Variants in OR2C1 observed in about 807,000 individuals in gnomAD.
OR2C1 encodes olfactory receptor family 2 subfamily C member 1, also known as olfactory receptor 2C1.
For synonymous variants in OR2C1, 209 were observed against 167.3 expected (o/e 1.25, Z -1.92); for missense variants, 468 against 388.3 (o/e 1.21, Z -1.73).
the OR2C1 span, among the ~76,000 whole-genome samples, chr16:3,342,305 C>G: frequency 6.6e-6 from 1 of 152,090 alleles, no homozygotes; most frequent in Non-Finnish European, 1.5e-5. Flanking sequence ...AGAAAATGTA[C>G]TAAATAGATT....
chr16:3,337,376 C>T, the OR2C1 span, among the ~76,000 whole-genome samples: 3 of 145,024 alleles, frequency 2.1e-5, no homozygotes, highest in African/African-American at 5.1e-5. Context: ...ACCATGTTGC[C>T]TGGGCTGGTC....
chr16:3,347,852 G>A, the OR2C1 span, among the ~76,000 whole-genome samples: 6 of 8,910 alleles, frequency 6.7e-4, no homozygotes, highest in Non-Finnish European at 9.6e-4. Context: ...ACATGCACAC[G>A]CACACACGCG....
the OR2C1 span, among the ~76,000 whole-genome samples, chr16:3,326,675 C>A: frequency 6.6e-6 from 1 of 152,184 alleles, no homozygotes; most frequent in African/African-American, 2.4e-5. Flanking sequence ...AAAGATTCTA[C>A]CTCCTTGGTT....
chr16:3,327,192 A>G, the OR2C1 span, among the ~76,000 whole-genome samples: 1 of 152,184 alleles, frequency 6.6e-6, no homozygotes. Context: ...CAAGGCCTTA[A>G]AAATCACCAA....
chr16:3,341,835 A>ATT, the OR2C1 span, among the ~76,000 whole-genome samples: 1 of 152,176 alleles, frequency 6.6e-6, no homozygotes, highest in Non-Finnish European at 1.5e-5. Context: ...TTAGCTCCGT[A>ATT]TTCAGCTCCT....
the OR2C1 span, among the ~76,000 whole-genome samples, chr16:3,336,674 C>CTTTT: frequency 1.7e-5 from 2 of 116,286 alleles, no homozygotes; most frequent in African/African-American, 6.7e-5. Flanking sequence ...GTTTCTTTTT[C>CTTTT]TTTTTTTTTT....
At chr16:3,326,121 G>A in the OR2C1 span, among the ~76,000 whole-genome samples, 1 of 151,856 alleles carries the variant, frequency 6.6e-6, no homozygotes, top group Non-Finnish European at 1.5e-5. Flanking sequence ...AGTAGAGACA[G>A]GGTTTCACCA....
the OR2C1 span, among the ~76,000 whole-genome samples, chr16:3,332,513 C>T: frequency 1.3e-5 from 2 of 151,996 alleles, no homozygotes; most frequent in African/African-American, 4.8e-5. Context: ...TTATCCTCCC[C>T]CCCACTACCC....
At chr16:3,333,849 A>T in the OR2C1 span, among the ~76,000 whole-genome samples, 5 of 152,070 alleles carry the variant, frequency 3.3e-5, no homozygotes, top group African/African-American at 1.2e-4. Context: ...TAAGTCTTTA[A>T]TCCATTTTGA....
At chr16:3,337,201 C>T in the OR2C1 span, among the ~76,000 whole-genome samples, 1 of 150,818 alleles carries the variant, frequency 6.6e-6, no homozygotes, top group African/African-American at 2.4e-5. Flanking sequence ...GTCTCCCAGG[C>T]TGGAGTGCAG....
chr16:3,341,360 A>T, the OR2C1 span, among the ~76,000 whole-genome samples: 1 of 151,612 alleles, frequency 6.6e-6, no homozygotes, highest in African/African-American at 2.4e-5. Flanking sequence ...GTTCTTTGGG[A>T]TTTTCTGTAT....
the OR2C1 span, chr16:3,323,520 G>T: frequency 2.7e-6 from 2 of 746,464 alleles, no homozygotes; most frequent in East Asian, 4.9e-5. Flanking sequence ...ATCACATAAG[G>T]TTCCACTATA....
chr16:3,326,907 C>T, the OR2C1 span, among the ~76,000 whole-genome samples: 1 of 152,156 alleles, frequency 6.6e-6, no homozygotes, highest in Admixed American at 6.5e-5. Context: ...CATCATTGAG[C>T]TGTAGGATCA....
chr16:3,346,146 A>T, the OR2C1 span, among the ~76,000 whole-genome samples: 2 of 152,112 alleles, frequency 1.3e-5, no homozygotes, highest in African/African-American at 4.8e-5. Context: ...ATTTTTCTTC[A>T]TAACATTTAC....
chr16:3,353,529 G>C (rs181137296), upstream of OR2C1, among the ~76,000 whole-genome samples: 1 of 150,690 alleles, frequency 6.6e-6, no homozygotes, highest in African/African-American at 2.4e-5. Flanking sequence ...GGCCGGGAAT[G>C]GTAGCTCATG....
At chr16:3,354,350 G>A (rs2030625683), upstream of OR2C1, among the ~76,000 whole-genome samples, 2 of 152,162 alleles carry the variant, frequency 1.3e-5, no homozygotes, top group Admixed American at 1.3e-4. Flanking sequence ...CCTCAAAAGA[G>A]GGATCTCCTC....
At chr16:3,351,494 A>C (rs559762794), upstream of OR2C1, among the ~76,000 whole-genome samples, 33 of 152,268 alleles carry the variant, frequency 2.2e-4, no homozygotes, top group South Asian at 6.0e-3. Context: ...AAATAATTGG[A>C]AGTAAAAAAC....
At chr16:3,355,466 A>AC, upstream of OR2C1, among the ~76,000 whole-genome samples, 1 of 139,970 alleles carries the variant, frequency 7.1e-6, no homozygotes, top group Non-Finnish European at 1.6e-5. Flanking sequence ...TCAAAAAAAA[A>AC]AAAAAAGCTT....
chr16:3,356,483 GC>G lies in OR2C1; in HGVS notation c.545del (p.Pro182LeufsTer3). ...RRVEGFLCEV[P>X]AMIKLACGDT... is the part of the protein sequence containing the mutation. ...GGGTGGAGGGATTCCTCTGCGAGGT[GC>G]CTGCCATGATCAAACTGGCCTGTGG... On this transcript the variant is annotated frameshift_variant, in exon 1 of 1. Coordinates refer to ENST00000304936, the MANE Select transcript of OR2C1 (RefSeq NM_012368.3). LOFTEE classifies it low-confidence loss of function (END_TRUNC). The G allele has an allele frequency of 6.2e-7, 1 of 1,614,050 alleles. No homozygotes were observed. Among genetic ancestry groups the G allele is most frequent in the Non-Finnish European group, 8.5e-7 (1 of 1,180,046 alleles).
Sources: gnomAD v4.1 joint callset for allele counts (sites outside exome capture counted in the v4.1 genomes callset) on GRCh38, gnomAD v4.1.1 for gene constraint, MANE v1.5 for transcripts, NCBI Gene and HGNC (gene_info 2026-07-23, HGNC 2026-07-21) for gene names.